The following KIZ variants were observed in gnomAD, a reference collection of about 807,000 sequenced individuals.
The protein encoded by KIZ is centrosomal protein kizuna.
A neutral mutation model predicts 79.6 loss-of-function variants in KIZ; 68 were observed. The observed-to-expected ratio is 0.85, with a 90% confidence interval of 0.70 to 1.05. KIZ has a LOEUF of 1.05. Ranked by LOEUF, KIZ falls within the 50% of genes least tolerant of loss-of-function variation. The probability of loss-of-function intolerance (pLI) is 0.00; values close to 1 mark genes in which losing one functional copy is unlikely to be tolerated. For missense variants in KIZ, 797 were observed against 800.4 expected (o/e 1.00, Z 0.05); for synonymous variants, 280 against 281.8 (o/e 0.99, Z 0.06).
chr20:21,186,259 A>G (rs939259907), intron 6 of KIZ, among the ~76,000 whole-genome samples: 1 of 152,090 alleles, frequency 6.6e-6, no homozygotes, highest in East Asian at 1.9e-4. Flanking sequence ...CCAAATCCCT[A>G]AAAGAATTTC....
intron 11 of KIZ, among the ~76,000 whole-genome samples, chr20:21,240,131 TA>T (rs766827776): frequency 2.0e-5 from 3 of 150,754 alleles, no homozygotes; most frequent in African/African-American, 7.5e-5. Context: ...ATTAATTAAC[TA>T]TTTTTTTTTT....
intron 7 of KIZ, among the ~76,000 whole-genome samples, chr20:21,209,177 T>C (rs1463203982): frequency 6.6e-6 from 1 of 152,136 alleles, no homozygotes; most frequent in African/African-American, 2.4e-5. Flanking sequence ...AAATACATCA[T>C]CAAAGCCGCA....
intron 6 of KIZ, among the ~76,000 whole-genome samples, chr20:21,177,233 C>T (rs1012033920): frequency 1.3e-5 from 2 of 152,190 alleles, no homozygotes; most frequent in African/African-American, 4.8e-5. Flanking sequence ...AGTTTCTCTA[C>T]ATCTTTGCCA....
At chr20:21,213,292 G>A (rs956731339) in intron 7 of KIZ, among the ~76,000 whole-genome samples, 8 of 152,158 alleles carry the variant, frequency 5.3e-5, no homozygotes, top group South Asian at 2.1e-4. Flanking sequence ...CCTTCCGACC[G>A]GACCTTCCAT....
At chr20:21,161,483 CACCGTGCCCGGCT>C (rs33994170) in intron 4 of KIZ, among the ~76,000 whole-genome samples, 87,958 of 151,822 alleles carry the variant, frequency 0.58, 27,082 homozygotes, top group South Asian at 0.78. Flanking sequence ...AGGCACCTGC[CACCGTGCCCGGCT>C]AATTTTTGTA....
At chr20:21,142,603 C>T (rs939278173) in intron 3 of KIZ, among the ~76,000 whole-genome samples, 8 of 151,846 alleles carry the variant, frequency 5.3e-5, no homozygotes, top group African/African-American at 1.9e-4. Flanking sequence ...CAGGCCTGGA[C>T]AACATGATGA....
chr20:21,166,726 G>A (rs1236316346), intron 6 of KIZ: 1 of 612,888 alleles, frequency 1.6e-6, no homozygotes, highest in South Asian at 2.0e-5. Flanking sequence ...CCAAAGTGTT[G>A]GGATTACAAG....
At chr20:21,175,626 C>T (rs150123283) in intron 6 of KIZ, among the ~76,000 whole-genome samples, 1 of 152,300 alleles carries the variant, frequency 6.6e-6, no homozygotes, top group Non-Finnish European at 1.5e-5. Context: ...TTCCCCTCCC[C>T]CATACCTTGC....
At chr20:21,158,288 A>G (rs1388454125) in intron 4 of KIZ, 1 of 152,234 alleles carries the variant, frequency 6.6e-6, no homozygotes, top group Non-Finnish European at 1.5e-5. Flanking sequence ...CATATGGTAT[A>G]ATGGAAAATT....
chr20:21,158,741 C>G (rs6047278), intron 4 of KIZ: 88,093 of 151,914 alleles, frequency 0.58, 27,148 homozygotes, highest in South Asian at 0.78. Flanking sequence ...TTTCTATCCT[C>G]CTGGATCTTC....
At chr20:21,242,694 C>T (rs1466112315) in intron 11 of KIZ, among the ~76,000 whole-genome samples, 1 of 152,078 alleles carries the variant, frequency 6.6e-6, no homozygotes, top group Non-Finnish European at 1.5e-5. Context: ...GAGCTGAGCT[C>T]ACCTGCCACT....
intron 11 of KIZ, among the ~76,000 whole-genome samples, chr20:21,237,536 C>T (rs1003588853): frequency 6.6e-6 from 1 of 152,060 alleles, no homozygotes; most frequent in Non-Finnish European, 1.5e-5. Context: ...CCAGCCAGCT[C>T]CCCTTGTCCC....
At chr20:21,157,471 A>C (rs60019965) in intron 4 of KIZ, among the ~76,000 whole-genome samples, 1,943 of 152,080 alleles carry the variant, frequency 0.013, 31 homozygotes, top group African/African-American at 0.045. Flanking sequence ...AGTGGTAAAT[A>C]CTCCTCTTTT....
intron 11 of KIZ, 89 bp from the exon 12 acceptor site, chr20:21,244,156 A>T: frequency 1.1e-6 from 1 of 900,294 alleles, no homozygotes; most frequent in Non-Finnish European, 1.8e-6. Flanking sequence ...AGTGAATCAA[A>T]GTGCTTCTTC....
chr20:21,164,610 A>T (rs1252336535), intron 6 of KIZ, among the ~76,000 whole-genome samples: 1 of 151,972 alleles, frequency 6.6e-6, no homozygotes, highest in East Asian at 1.9e-4. Flanking sequence ...CTTACCCAGG[A>T]CTCAGTCTTT....
chr20:21,220,213 G>A (rs1048234785), intron 9 of KIZ, among the ~76,000 whole-genome samples: 16 of 150,644 alleles, frequency 1.1e-4, no homozygotes, highest in Non-Finnish European at 1.9e-4. Flanking sequence ...ATATTTTTAC[G>A]TGGGCTGAAT....
At chr20:21,157,600 G>T (rs1051740406) in intron 4 of KIZ, among the ~76,000 whole-genome samples, 3 of 152,154 alleles carry the variant, frequency 2.0e-5, no homozygotes, top group Non-Finnish European at 4.4e-5. Context: ...TCCTGACTAT[G>T]CAGATTACCA....
chr20:21,234,888 G>A (rs192220592), intron 11 of KIZ, among the ~76,000 whole-genome samples: 98 of 152,206 alleles, frequency 6.4e-4, no homozygotes, highest in African/African-American at 2.1e-3. Context: ...AGCGGCTTGG[G>A]CGCAAAAATG....
At chr20:21,131,381 G>A (rs1438459899) in intron 1 of KIZ, among the ~76,000 whole-genome samples, 1 of 152,192 alleles carries the variant, frequency 6.6e-6, no homozygotes. Flanking sequence ...GTTATAAAAA[G>A]AAATCCCTCC....
Sources: allele counts gnomAD v4.1 joint callset (sites outside exome capture counted in the v4.1 genomes callset), GRCh38; gene constraint gnomAD v4.1.1; transcripts MANE v1.5; gene names NCBI Gene and HGNC (gene_info 2026-07-23, HGNC 2026-07-21).